Variants in CNNM3 observed in about 807,000 individuals in gnomAD.
CNNM3 encodes the protein metal transporter CNNM3.
A neutral mutation model predicts 57.1 loss-of-function variants in CNNM3; 47 were observed. That is an observed-to-expected ratio of 0.82 (90% CI 0.65 to 1.05). The LOEUF (loss-of-function observed/expected upper bound fraction) is 1.05. Ranked by LOEUF, CNNM3 falls within the 50% of genes least tolerant of loss-of-function variation. CNNM3 has a pLI of 0.00. For synonymous variants in CNNM3, 507 were observed against 478.2 expected (o/e 1.06, Z -0.79); for missense variants, 957 against 973.7 (o/e 0.98, Z 0.23).
In CNNM3 at chr2:96,828,685, T is replaced by C; in HGVS notation, c.1905T>C (p.Asp635=). 6.2e-7 allele frequency: 1 copy of C among 1,614,168 alleles called. No homozygotes were observed. The highest frequency in any genetic ancestry group is 1.1e-5 in the South Asian group (1 of 91,088). Residue 635 remains aspartate, a synonymous_variant, in exon 6 of 8, where the codon GAT becomes GAC. Coordinates refer to ENST00000305510, the MANE Select transcript of CNNM3 (RefSeq NM_017623.5). The stretch of plus-strand genomic sequence containing the variant: ...ACTACACCGTGAGGGCGCTCTCTGA[T>C]CTGCAGCTCATCAAGGTGACTGCCT... The part of the protein sequence containing the change: ...CPDYTVRALS[D]LQLIKVTRLQ...
chr2:96,817,013 C>T lies in CNNM3; in HGVS notation c.736C>T (p.Arg246Cys). Residue 246 changes from arginine (R) to cysteine (C), a missense_variant, in exon 1 of 8, where the codon CGC becomes TGC. Physicochemically the swap from Arg to Cys is radical, Grantham distance 180. Coordinates refer to ENST00000305510, the MANE Select transcript of CNNM3 (RefSeq NM_017623.5). ...GGTGGTGCCGGCCGCCGTGAGCGGG[C>T]GCTGGACGCTGGCGCTGGCGCCGCG... ...GEVVPAAVSG[R>C]WTLALAPRAL... 1 of 1,367,410 alleles carries T rather than the reference C, an allele frequency of 7.3e-7. No individual in the cohort carries two copies. Among genetic ancestry groups the T allele is most frequent in the Non-Finnish European group, 9.5e-7 (1 of 1,054,886 alleles). 84.7% of individuals were successfully genotyped at this position (1,367,410 alleles called of 1,614,324 possible). A position where few individuals can be genotyped will look rare whatever the true frequency, so the allele number is the denominator to read the frequency against.
At position 96,828,617 on chromosome 2, in the gene CNNM3, C is replaced by T; in HGVS notation, c.1837C>T (p.Pro613Ser). 6.2e-7 allele frequency: 1 copy of T among 1,614,198 alleles called. No homozygotes were observed. The highest frequency in any genetic ancestry group is 8.5e-7 in the Non-Finnish European group (1 of 1,180,042). Residue 613 changes from proline to serine, a missense_variant, in exon 6 of 8, where the codon CCC (proline) becomes TCC (serine). By Grantham distance (74) the Pro-to-Ser change is moderately conservative. Coordinates refer to ENST00000305510, the MANE Select transcript of CNNM3 (RefSeq NM_017623.5). Reference sequence around the variant, plus strand: ...CCAGCCCATCCGCCATGACCTGCAGCCCGACCCAGGTGACGGCACGCATTC... The same window carrying T: ...CCAGCCCATCCGCCATGACCTGCAGTCCGACCCAGGTGACGGCACGCATTC... The part of the protein sequence containing the change: ...SLQPIRHDLQ[P>S]DPGDGTHSSA...
intron 1 of CNNM3, among the ~76,000 whole-genome samples, chr2:96,820,001 A>G (rs888742013): frequency 3.3e-5 from 5 of 152,232 alleles, no homozygotes; most frequent in African/African-American, 1.2e-4. Flanking sequence ...CAGAGGCAGG[A>G]TGTCCCCTGG....
chr2:96,836,609 A>AG (rs1376425747), downstream of CNNM3: 1 of 152,156 alleles, frequency 6.6e-6, no homozygotes, highest in Admixed American at 6.5e-5. Flanking sequence ...CAAACTCATG[A>AG]GCTCAAGTGA....
rs751121625 is a variant in CNNM3, at chr2:96,827,756, C to T, written c.1545C>T (p.Arg515=). 8 of 1,614,122 alleles carry T rather than the reference C, an allele frequency of 5.0e-6. No individual in the cohort carries two copies. In the Admixed American group the frequency reaches 1.3e-4, roughly 27 times the overall value. The stretch of plus-strand genomic sequence containing the variant: ...AAGTGGATGTATTCAGCCCGCTGCG[C>T]ATCTCTGAGAAGGTCCTGCTGCACC... ...SREVDVFSPL[R]ISEKVLLHLL... is the part of the protein sequence containing the mutation. The change falls in exon 4 of 8, where the codon CGC becomes CGT. Residue 515 remains arginine (R), a synonymous_variant. Transcript: ENST00000305510.
In CNNM3 at chr2:96,817,046, G is replaced by C. The variant is rs1163550238; in HGVS notation, c.769G>C (p.Gly257Arg). ...GCTGGCGCTGGCGCCGCGAGCGCTCGGCCTCAGCCGCCTGGCCGTCCTGCT... is the reference window on the plus strand; with the variant it reads ...GCTGGCGCTGGCGCCGCGAGCGCTCCGCCTCAGCCGCCTGGCCGTCCTGCT... ...WTLALAPRAL[G>R]LSRLAVLLTL... The change falls in exon 1 of 8, where the codon GGC becomes CGC. Residue 257 changes from glycine (G) to arginine (R), a missense_variant. Transcript: ENST00000305510. 1.4e-5 allele frequency: 19 copies of C among 1,367,050 alleles called. 1 individual carries two copies. The highest frequency in any genetic ancestry group is 4.6e-5 in the South Asian group (3 of 65,054). 84.7% of individuals were successfully genotyped at this position (1,367,050 alleles called of 1,614,324 possible).
At chr2:96,822,655 G>A (rs749312980) in intron 1 of CNNM3, among the ~76,000 whole-genome samples, 81 of 152,276 alleles carry the variant, frequency 5.3e-4, no homozygotes, top group Middle Eastern at 3.4e-3. Flanking sequence ...CCTGTCTGCT[G>A]GGAGCCAGAT....
chr2:96,836,384 G>A (rs2079691813), downstream of CNNM3, among the ~76,000 whole-genome samples: 1 of 151,962 alleles, frequency 6.6e-6, no homozygotes, highest in Admixed American at 6.6e-5. Flanking sequence ...TGGGATTACA[G>A]GCATGTGCCA....
rs184656193 is a variant in CNNM3 at position 96,834,361 on chromosome 2, T to C, written c.*1745T>C. ...ATTATTATTATTATTATTATTATTA[T>C]TGAGACAAGATCTTGCTCTGTCGCC... On this transcript the variant is annotated 3_prime_UTR_variant, in exon 8 of 8. Transcript: ENST00000305510. Among the ~76,000 whole-genome samples the C allele has an allele frequency of 5.5e-4, 82 of 148,680 alleles. No homozygotes were observed. The highest frequency in any genetic ancestry group is 2.1e-3 in the African/African-American group (81 of 39,140).
At position 96,834,477 on chromosome 2, in the gene CNNM3, A is replaced by G. The variant is rs1056457751; in HGVS notation, c.*1861A>G. Among the ~76,000 whole-genome samples the G allele has an allele frequency of 2.0e-5, 3 of 151,270 alleles. No homozygotes were observed. Among genetic ancestry groups the G allele is most frequent in the African/African-American group, 7.3e-5 (3 of 41,106 alleles). ...CTGCCACCTCAGCCTCCTGAGTAGT[A>G]GGGACTACAGGTAGGCACCACCACA... On this transcript the variant is annotated 3_prime_UTR_variant, in exon 8 of 8. Transcript: ENST00000305510.
Position 96,833,128 on chromosome 2 carries a change from T to C in CNNM3, c.*512T>C. ...TCGATGGCCTTGTCCATGTTGTCCT[T>C]TCTGGCTTCCCTGATGGTGTCATGT... On this transcript the variant is annotated 3_prime_UTR_variant, in exon 8 of 8. Transcript: ENST00000305510. The C allele has an allele frequency of 2.7e-6, 2 of 743,834 alleles. No homozygotes were observed. Among genetic ancestry groups the C allele is most frequent in the Admixed American group, 2.6e-5 (1 of 38,864 alleles). The allele number at this position is 743,834 out of a possible 1,614,324, so 46.1% of individuals were successfully genotyped here.
At chr2:96,821,151 T>C (rs1298748907) in intron 1 of CNNM3, among the ~76,000 whole-genome samples, 1 of 152,184 alleles carries the variant, frequency 6.6e-6, no homozygotes, top group African/African-American at 2.4e-5. Context: ...GTGAGGGCCA[T>C]TCGTGGGCAG....
Position 96,816,721 on chromosome 2 carries a change from AGCGCTGGCGCGAGGCCTGCAGCTGAGC to A in CNNM3, c.455_481del (p.Arg152_Ala160del), listed in dbSNP as rs974872984. 24 of 1,011,846 alleles carry A rather than the reference AGCGCTGGCGCGAGGCCTGCAGCTGAGC, an allele frequency of 2.4e-5. No homozygotes were observed. The highest frequency in any genetic ancestry group is 3.5e-5 in the African/African-American group (2 of 57,138). 62.7% of individuals were successfully genotyped at this position (1,011,846 alleles called of 1,614,324 possible). ...GGGCGGCCGGGCTGCTGGCGCTGGC[AGCGCTGGCGCGAGGCCTGCAGCTGAGC>A]GCGCTGGCGCTGGCGCCTGCCGAGG... On this transcript the variant is annotated inframe_deletion, in exon 1 of 8. Coordinates refer to ENST00000305510, the MANE Select transcript of CNNM3 (RefSeq NM_017623.5).
chr2:96,816,469 G>A lies in CNNM3; in HGVS notation c.192G>A (p.Leu64=), dbSNP rs1259473580. The A allele has an allele frequency of 8.2e-6, 12 of 1,457,138 alleles. No individual in the cohort carries two copies. The highest frequency in any genetic ancestry group is 4.4e-5 in the African/African-American group (3 of 67,628). 90.3% of individuals were successfully genotyped at this position (1,457,138 alleles called of 1,614,324 possible). A position where few individuals can be genotyped will look rare whatever the true frequency, so the allele number is the denominator to read the frequency against. ...ARDTPDATFL[L]RLFGPGFANS... The stretch of plus-strand genomic sequence containing the variant: ...ACACGCCGGACGCCACCTTCCTCCT[G>A]CGCCTCTTCGGCCCGGGCTTCGCCA... The change falls in exon 1 of 8, where the codon CTG becomes CTA. Residue 64 remains leucine, a synonymous_variant. Coordinates refer to ENST00000305510, the MANE Select transcript of CNNM3 (RefSeq NM_017623.5).
At position 96,825,020 on chromosome 2, in the gene CNNM3, G is replaced by C. The variant is rs200913026; in HGVS notation, c.1226-38G>C. 1.5e-3 allele frequency: 2,443 copies of C among 1,609,434 alleles called. 8 individuals carry two copies. The highest frequency in any genetic ancestry group is 2.8e-3 in the African/African-American group (208 of 74,924). On this transcript the variant is annotated intron_variant, in intron 1 of 7. Coordinates refer to ENST00000305510, the MANE Select transcript of CNNM3 (RefSeq NM_017623.5). ...GGGGAGATGAATCAAACTGGGGGGG[G>C]CCCAGCAAGCTGTTCCATGAGTGTC...
chr2:96,817,240 C>T lies in CNNM3; in HGVS notation c.963C>T (p.Leu321=), dbSNP rs147430912. ...CCGTGGAGGACGTGCTCACGCCCCTCGAAGACTGCTTCATGCTGGACGCCA... is the reference window on the plus strand; with the variant it reads ...CCGTGGAGGACGTGCTCACGCCCCTTGAAGACTGCTTCATGCTGGACGCCA... ...CRTVEDVLTP[L]EDCFMLDAST... The change falls in exon 1 of 8, where the codon CTC becomes CTT. Residue 321 remains leucine (L), a synonymous_variant. Transcript: ENST00000305510. The T allele has an allele frequency of 9.3e-6, 15 of 1,607,752 alleles. No individual in the cohort carries two copies. In the African/African-American group the frequency reaches 1.7e-4, roughly 19 times the overall value.
In CNNM3 at chr2:96,829,181, C is replaced by G. The variant is rs749740500; in HGVS notation, c.2059+47C>G. The G allele has an allele frequency of 2.5e-6, 4 of 1,594,736 alleles. No individual in the cohort carries two copies. The African/African-American group carries it at 5.4e-5, about 21-fold the overall frequency. ...GTGCATGGTGTCTGGACCTGAGGGCCGTGAGCTCACACACACAGACTTGCA... is the reference window on the plus strand; with the variant it reads ...GTGCATGGTGTCTGGACCTGAGGGCGGTGAGCTCACACACACAGACTTGCA... On this transcript the variant is annotated intron_variant, in intron 7 of 7. Transcript: ENST00000305510.
At position 96,833,860 on chromosome 2, in the gene CNNM3, CTG is replaced by C. The variant is rs1319591332; in HGVS notation, c.*1245_*1246del. The stretch of plus-strand genomic sequence containing the variant: ...AGAAATTGTCCTCAAGGAATAAACT[CTG>C]AGAGCAAGCCCGGGTTGGAAACAGA... On this transcript the variant is annotated 3_prime_UTR_variant, in exon 8 of 8. Coordinates refer to ENST00000305510, the MANE Select transcript of CNNM3 (RefSeq NM_017623.5). 6 of 152,224 alleles carry C rather than the reference CTG, an allele frequency of 3.9e-5. No homozygotes were observed. Among genetic ancestry groups the C allele is most frequent in the Non-Finnish European group, 8.8e-5 (6 of 68,052 alleles). 9.4% of individuals were successfully genotyped at this position (152,224 alleles called of 1,614,324 possible). A position where few individuals can be genotyped will look rare whatever the true frequency, so the allele number is the denominator to read the frequency against.
intron 1 of CNNM3, among the ~76,000 whole-genome samples, chr2:96,822,953 G>A (rs1281273159): frequency 1.3e-5 from 2 of 152,170 alleles, no homozygotes; most frequent in Non-Finnish European, 2.9e-5. Context: ...TGAGCTGCTC[G>A]TGGCTCCTTG....
Sources: allele counts gnomAD v4.1 joint callset (sites outside exome capture counted in the v4.1 genomes callset), GRCh38; gene constraint gnomAD v4.1.1; transcripts MANE v1.5; gene names NCBI Gene and HGNC (gene_info 2026-07-23, HGNC 2026-07-21).